DHX36: variants seen among roughly 807,000 people sequenced by gnomAD.
DHX36 encodes ATP-dependent DNA/RNA helicase DHX36.
A neutral mutation model predicts 139.0 loss-of-function variants in DHX36; 50 were observed. The observed-to-expected ratio is 0.36, with a 90% CI of 0.29 to 0.46. DHX36 has a LOEUF of 0.46. Ranked by LOEUF, DHX36 falls within the 20% of genes least tolerant of loss-of-function variation. DHX36 has a pLI of 1.00. For missense variants in DHX36, 1,024 were observed against 1,211.3 expected, an observed-to-expected ratio of 0.85 and a Z score of 2.29; for synonymous variants, 425 against 401.9, an observed-to-expected ratio of 1.06 and a Z score of -0.69.
intron 2 of DHX36, among the ~76,000 whole-genome samples, chr3:154,315,661 G>T (rs897460635): frequency 6.6e-6 from 1 of 151,974 alleles, no homozygotes; most frequent in Non-Finnish European, 1.5e-5. Flanking sequence ...ACAATACACA[G>T]TCTTTGAAAT....
Position 154,306,242 on chromosome 3 carries a change from A to G in DHX36, c.867T>C (p.Ser289=), listed in dbSNP as rs1295198940. The G allele has an allele frequency of 6.2e-7, 1 of 1,613,514 alleles. No homozygotes were observed. The highest frequency in any genetic ancestry group is 8.5e-7 in the Non-Finnish European group (1 of 1,179,720). ...TCTGGAGACGAATTTGATATCCAGT[A>G]CTATTACCACTGCCACAAGATTCTG... ...ERAESCGSGN[S]TGYQIRLQSR... The change falls in exon 6 of 25, where the codon AGT becomes AGC. Residue 289 remains serine, a synonymous_variant. Coordinates refer to ENST00000496811, the MANE Select transcript of DHX36 (RefSeq NM_020865.3).
At chr3:154,308,677 T>C (rs1345558588) in intron 5 of DHX36, among the ~76,000 whole-genome samples, 1 of 152,032 alleles carries the variant, frequency 6.6e-6, no homozygotes, top group Non-Finnish European at 1.5e-5. Flanking sequence ...AATCTGAAAA[T>C]TCAAAATGTG....
In DHX36 at chr3:154,293,848, A is replaced by C. The variant is rs1292205625; in HGVS notation, c.1606-36T>G. The C allele has an allele frequency of 4.2e-6, 6 of 1,442,058 alleles. No homozygotes were observed. In the South Asian group the frequency reaches 5.8e-5, roughly 14 times the overall value. The allele number at this position is 1,442,058 out of a possible 1,614,324, so 89.3% of individuals were successfully genotyped here. On this transcript the variant is annotated intron_variant, in intron 13 of 24. Coordinates refer to ENST00000496811, the MANE Select transcript of DHX36 (RefSeq NM_020865.3). ...AAATACATCAGAATCACAAAAGTAC[A>C]CTAACTTCTAATACATTATATTTGT...
intron 23 of DHX36, among the ~76,000 whole-genome samples, chr3:154,277,329 T>C (rs958287782): frequency 6.6e-6 from 1 of 152,148 alleles, no homozygotes. Context: ...CTGTACACCA[T>C]AAAATATGCC....
intron 23 of DHX36, 114 bp downstream of exon 23, chr3:154,277,484 A>C: frequency 1.0e-6 from 1 of 980,940 alleles, no homozygotes; most frequent in South Asian, 3.3e-5. Context: ...CTCACGTCAC[A>C]GGAATAAGAC....
chr3:154,283,721 T>C (rs2108335225), intron 19 of DHX36, among the ~76,000 whole-genome samples: 1 of 152,002 alleles, frequency 6.6e-6, no homozygotes, highest in Admixed American at 6.5e-5. Context: ...ACATGAACTT[T>C]CCCATAATAT....
rs752874300 is a variant in DHX36, at chr3:154,324,255, G to T, written c.162C>A (p.Pro54=). The change falls in exon 1 of 25, where the codon CCC becomes CCA. Residue 54 remains proline, a synonymous_variant. Transcript: ENST00000496811. ...CGATTTCGCGGCCTTTCAGGTGCCC[G>T]GGATGCCGGCCCCTGCCGCCTCGAC... is the stretch of plus-strand genomic sequence containing the variant. ...GGGRGGRGRH[P]GHLKGREIGM... 49 of 1,613,294 alleles carry T rather than the reference G, an allele frequency of 3.0e-5. No individual in the cohort carries two copies. Among genetic ancestry groups the T allele is most frequent in the Non-Finnish European group, 4.2e-5 (49 of 1,179,700 alleles).
intron 1 of DHX36, among the ~76,000 whole-genome samples, chr3:154,320,057 C>T (rs150650519): frequency 3.9e-5 from 6 of 152,308 alleles, no homozygotes; most frequent in East Asian, 1.9e-4. Context: ...AGATCATCAA[C>T]GACCTTGTTG....
chr3:154,283,154 T>C (rs1012434773), intron 20 of DHX36, 34 bp downstream of exon 20: 1 of 1,480,566 alleles, frequency 6.8e-7, no homozygotes, highest in African/African-American at 1.4e-5. Context: ...TAATCTAGCA[T>C]ATATGATAAT....
chr3:154,315,096 A>G lies in DHX36; in HGVS notation c.553T>C (p.Leu185=), dbSNP rs1440220853. 2 of 1,612,352 alleles carry G rather than the reference A, an allele frequency of 1.2e-6. No individual in the cohort carries two copies. The highest frequency in any genetic ancestry group is 1.7e-6 in the Non-Finnish European group (2 of 1,179,368). The part of the protein sequence containing the change: ...EPDGTLDQKL[L]EDLQKKKNDL... ...TTTTTTTTCTTTTGTAAATCTTCCA[A>G]TAATTTTTGGTCTAAAGTTCCATCT... Residue 185 remains leucine, a synonymous_variant, in exon 3 of 25, where the codon TTG becomes CTG. Transcript: ENST00000496811.
At chr3:154,309,204 A>G (rs1231692594) in intron 5 of DHX36, among the ~76,000 whole-genome samples, 2 of 151,916 alleles carry the variant, frequency 1.3e-5, no homozygotes, top group Non-Finnish European at 2.9e-5. Context: ...TAAATAAATA[A>G]ATCACTGACT....
chr3:154,295,036 C>T lies in DHX36; in HGVS notation c.1605+248G>A, dbSNP rs549361409. 4.5e-4 allele frequency among the ~76,000 whole-genome samples: 69 copies of T among 152,204 alleles called. 1 individual carries two copies. The highest frequency in any genetic ancestry group is 6.8e-3 in the Middle Eastern group (2 of 294). ...AACTCAACGAAGTTACTGGTGAAAC[C>T]AATTCTTTAAACTTTTTCCTAATGT... On this transcript the variant is annotated intron_variant, in intron 13 of 24. Transcript: ENST00000496811.
intron 17 of DHX36, among the ~76,000 whole-genome samples, chr3:154,288,433 T>C (rs995697490): frequency 6.6e-6 from 1 of 151,938 alleles, no homozygotes; most frequent in Admixed American, 6.6e-5. Context: ...TAAGGGACAG[T>C]GGAGTGATTA....
intron 16 of DHX36, among the ~76,000 whole-genome samples, chr3:154,289,436 TA>T (rs1711696699): frequency 6.6e-6 from 1 of 152,244 alleles, no homozygotes; most frequent in Non-Finnish European, 1.5e-5. Context: ...GAGGTTAATT[TA>T]AACAACCTGC....
At chr3:154,277,762 TAG>T (rs1719196713) in intron 22 of DHX36, 44 bp from the exon 23 acceptor site, 2 of 1,516,052 alleles carry the variant, frequency 1.3e-6, no homozygotes, top group African/African-American at 2.8e-5. Context: ...AGAAGTCTTC[TAG>T]AGGATTTTCT....
intron 14 of DHX36, among the ~76,000 whole-genome samples, chr3:154,292,960 CAT>C (rs1183204957): frequency 6.6e-6 from 1 of 152,082 alleles, no homozygotes; most frequent in Non-Finnish European, 1.5e-5. Flanking sequence ...TTCTTCAGAT[CAT>C]ATACTAAATT....
intron 9 of DHX36, among the ~76,000 whole-genome samples, chr3:154,303,021 G>A (rs1360420250): frequency 6.6e-6 from 1 of 152,160 alleles, no homozygotes; most frequent in East Asian, 1.9e-4. Context: ...AGGTTGCCGT[G>A]AGCGGAGATA....
At chr3:154,277,014 CT>C (rs1719169802) in intron 23 of DHX36, 115 bp from the exon 24 acceptor site, 1 of 875,864 alleles carries the variant, frequency 1.1e-6, no homozygotes, top group East Asian at 2.9e-5. Flanking sequence ...AAATATTAAC[CT>C]TCTATTGTAA....
intron 1 of DHX36, among the ~76,000 whole-genome samples, chr3:154,320,170 T>C (rs1456602657): frequency 1.3e-5 from 2 of 152,178 alleles, no homozygotes; most frequent in African/African-American, 4.8e-5. Flanking sequence ...ACACTACTCT[T>C]AGATTTCAAA....
Sources: gnomAD v4.1 joint callset for allele counts (sites outside exome capture counted in the v4.1 genomes callset) on GRCh38, gnomAD v4.1.1 for gene constraint, MANE v1.5 for transcripts, NCBI Gene and HGNC (gene_info 2026-07-23, HGNC 2026-07-21) for gene names.